The following LSAMP variants were observed in gnomAD, a reference collection of about 807,000 sequenced individuals.
The protein encoded by LSAMP is limbic system-associated membrane protein.
Under a neutral mutation model 38.6 loss-of-function variants are expected in LSAMP, and 7 were observed. That is an observed-to-expected ratio of 0.18 (90% CI 0.10 to 0.34). LSAMP has a LOEUF of 0.34. Among genes scored for constraint, LSAMP ranks in the 10% least tolerant of loss-of-function variants. The pLI is 1.00. For missense variants in LSAMP, 313 were observed against 420.0 expected (o/e 0.75, Z 2.23); for synonymous variants, 154 against 166.8 (o/e 0.92, Z 0.59).
At chr3:116,417,476 G>A (rs916011055) in intron 1 of LSAMP, among the ~76,000 whole-genome samples, 8 of 152,204 alleles carry the variant, frequency 5.3e-5, no homozygotes, top group Non-Finnish European at 5.9e-5. Context: ...GTTATCAGCT[G>A]CCTGCACTTC....
intron 1 of LSAMP, among the ~76,000 whole-genome samples, chr3:116,091,998 T>C (rs1708134758): frequency 6.6e-6 from 1 of 152,102 alleles, no homozygotes; most frequent in Admixed American, 6.5e-5. Context: ...TGCATTAGAG[T>C]TATTTGCACT....
At position 116,023,166 on chromosome 3, in the gene LSAMP, G is replaced by GTC. The variant is rs202078474; in HGVS notation, c.389-3528_389-3527dup. ...TGTGTATATATACATATGTGTGTGT[G>GTC]TCTCTCTCTCTCTATATATATATAC... is the stretch of plus-strand genomic sequence containing the variant. On this transcript the variant is annotated intron_variant, in intron 2 of 6. Coordinates refer to ENST00000490035, the MANE Select transcript of LSAMP (RefSeq NM_002338.5). Among the ~76,000 whole-genome samples the GTC allele has an allele frequency of 8.6e-4, 123 of 143,634 alleles. 1 individual carries two copies. Among genetic ancestry groups the GTC allele is most frequent in the Admixed American group, 1.3e-3 (18 of 13,910 alleles). 94.2% of individuals were successfully genotyped at this position (143,634 alleles called of 152,430 possible).
rs1553757633 is a variant in LSAMP, at chr3:115,997,751, T to TAC, written c.514+21763_514+21764insGT. On this transcript the variant is annotated intron_variant, in intron 3 of 6. Transcript: ENST00000490035. ...ATATATATATATATATATATATATATATACACACACATACATACACACACA... is the reference window on the plus strand; with the variant it reads ...ATATATATATATATATATATATATATACATACACACACATACATACACACACA... 1.8e-3 allele frequency among the ~76,000 whole-genome samples: 241 copies of TAC among 131,204 alleles called. 1 individual carries two copies. Among genetic ancestry groups the TAC allele is most frequent in the African/African-American group, 6.6e-3 (217 of 32,982 alleles). 86.1% of individuals were successfully genotyped at this position (131,204 alleles called of 152,430 possible).
At chr3:116,161,772 C>T (rs1163768081) in intron 1 of LSAMP, among the ~76,000 whole-genome samples, 1 of 152,072 alleles carries the variant, frequency 6.6e-6, no homozygotes. Context: ...GATGACACAG[C>T]AGTTCTTCTT....
rs541629705 is a variant in LSAMP, at chr3:116,089,566, C to A, written c.156-3010G>T. 6.4e-3 allele frequency among the ~76,000 whole-genome samples: 981 copies of A among 152,162 alleles called. 10 individuals carry two copies. Among genetic ancestry groups the A allele is most frequent in the African/African-American group, 0.022 (929 of 41,498 alleles). On this transcript the variant is annotated intron_variant, in intron 1 of 6. Coordinates refer to ENST00000490035, the MANE Select transcript of LSAMP (RefSeq NM_002338.5). ...CAGAGACGGGGTTTCAGCGTGTTAG[C>A]CAGGATGGTCTCAATCTCCTGACCT...
intron 1 of LSAMP, among the ~76,000 whole-genome samples, chr3:116,376,349 C>A (rs530017056): frequency 3.6e-4 from 54 of 152,080 alleles, no homozygotes; most frequent in Non-Finnish European, 6.8e-4. Flanking sequence ...AAAGGGATTC[C>A]TTCTTATTAC....
intron 1 of LSAMP, among the ~76,000 whole-genome samples, chr3:116,194,053 C>G (rs140143478): frequency 5.7e-4 from 87 of 152,250 alleles, no homozygotes; most frequent in Middle Eastern, 3.4e-3. Flanking sequence ...TAAAGCTTAC[C>G]AGTTAACGCA....
intron 1 of LSAMP, among the ~76,000 whole-genome samples, chr3:116,160,432 G>A (rs1370053219): frequency 2.2e-5 from 3 of 139,302 alleles, no homozygotes; most frequent in African/African-American, 7.7e-5. Flanking sequence ...GGGAGGGAGG[G>A]AGAAAGGAAG....
At chr3:116,165,248 A>G (rs1191090430) in intron 1 of LSAMP, among the ~76,000 whole-genome samples, 1 of 152,192 alleles carries the variant, frequency 6.6e-6, no homozygotes, top group Non-Finnish European at 1.5e-5. Flanking sequence ...ACCTCTCCCC[A>G]GACACAGTCC....
chr3:116,181,951 C>T (rs552172758), intron 1 of LSAMP, among the ~76,000 whole-genome samples: 28 of 151,996 alleles, frequency 1.8e-4, no homozygotes, highest in African/African-American at 6.7e-4. Context: ...CCAATGATTG[C>T]ATTTAGGAAC....
At chr3:116,285,772 C>A (rs1210751973) in intron 1 of LSAMP, among the ~76,000 whole-genome samples, 1 of 152,102 alleles carries the variant, frequency 6.6e-6, no homozygotes, top group Non-Finnish European at 1.5e-5. Context: ...AAAAGAAATG[C>A]CTTCTTTTTT....
chr3:115,974,462 A>C (rs572345542), intron 3 of LSAMP, among the ~76,000 whole-genome samples: 24 of 152,342 alleles, frequency 1.6e-4, no homozygotes, highest in African/African-American at 5.3e-4. Context: ...GTATTGAGCC[A>C]GCTTGAGGGT....
chr3:116,355,213 A>G (rs1031950506), intron 1 of LSAMP, among the ~76,000 whole-genome samples: 1 of 152,188 alleles, frequency 6.6e-6, no homozygotes, highest in African/African-American at 2.4e-5. Context: ...GCCAATTTAT[A>G]CAGTCTGCTT....
intron 1 of LSAMP, among the ~76,000 whole-genome samples, chr3:116,380,233 A>G (rs1218729844): frequency 6.6e-6 from 1 of 152,056 alleles, no homozygotes; most frequent in Non-Finnish European, 1.5e-5. Context: ...TGAACATAGT[A>G]TTTGGAGCGT....
chr3:116,044,522 C>A (rs76212712), intron 2 of LSAMP, among the ~76,000 whole-genome samples: 2 of 151,674 alleles, frequency 1.3e-5, no homozygotes, highest in East Asian at 1.9e-4. Flanking sequence ...CATGGAGAAC[C>A]GTTTCATGCA....
intron 3 of LSAMP, among the ~76,000 whole-genome samples, chr3:115,865,212 C>A (rs992165277): frequency 3.3e-5 from 5 of 152,126 alleles, no homozygotes; most frequent in Non-Finnish European, 7.3e-5. Flanking sequence ...AGAAAGCAGA[C>A]CATTTTGACC....
At chr3:116,243,247 G>A (rs1019045081) in intron 1 of LSAMP, among the ~76,000 whole-genome samples, 3 of 152,170 alleles carry the variant, frequency 2.0e-5, no homozygotes, top group Admixed American at 6.5e-5. Context: ...TATTCTAACT[G>A]TTCCCTTCCT....
chr3:115,825,141 C>T (rs770684987), intron 6 of LSAMP, among the ~76,000 whole-genome samples: 21 of 152,118 alleles, frequency 1.4e-4, no homozygotes, highest in Non-Finnish European at 3.1e-4. Flanking sequence ...GCAAAGATAA[C>T]AAGTGAATTT....
intron 1 of LSAMP, among the ~76,000 whole-genome samples, chr3:116,403,994 C>T (rs1050169545): frequency 1.3e-5 from 2 of 151,834 alleles, no homozygotes; most frequent in South Asian, 4.2e-4. Flanking sequence ...AAACTCCTTA[C>T]CTCAAGCAAT....
Sources: allele counts gnomAD v4.1 joint callset (sites outside exome capture counted in the v4.1 genomes callset), GRCh38; gene constraint gnomAD v4.1.1; transcripts MANE v1.5; gene names NCBI Gene and HGNC (gene_info 2026-07-23, HGNC 2026-07-21).